KBTBD2: variants seen among roughly 807,000 people sequenced by gnomAD.
The protein encoded by KBTBD2 is kelch repeat and BTB domain containing 2.
Under a neutral mutation model 57.1 loss-of-function variants are expected in KBTBD2, and 17 were observed. The observed-to-expected ratio is 0.30, with a 90% CI of 0.20 to 0.45. The LOEUF (loss-of-function observed/expected upper bound fraction) is 0.45. Among genes scored for constraint, KBTBD2 ranks in the 20% least tolerant of loss-of-function variants. The pLI is 1.00. For missense variants in KBTBD2, 515 were observed against 750.6 expected, an observed-to-expected ratio of 0.69 and a Z score of 3.67; for synonymous variants, 267 against 262.7, an observed-to-expected ratio of 1.02 and a Z score of -0.16.
chr7:32,879,105 A>T (rs1784387990), intron 2 of KBTBD2, among the ~76,000 whole-genome samples: 1 of 152,192 alleles, frequency 6.6e-6, no homozygotes, highest in African/African-American at 2.4e-5. Flanking sequence ...AACAGAGATC[A>T]CTGTTTTCTA....
In KBTBD2 at chr7:32,868,608, G is replaced by T. The variant is rs868113989; in HGVS notation, c.*737C>A. ...ATGTTAACATAATACAGAAAGTGGAGGCTTTTTCTGATTAAAGCTCCACGC... is the reference window on the plus strand; with the variant it reads ...ATGTTAACATAATACAGAAAGTGGATGCTTTTTCTGATTAAAGCTCCACGC... On this transcript the variant is annotated 3_prime_UTR_variant, in exon 4 of 4. Transcript: ENST00000304056. 47 of 152,560 alleles carry T rather than the reference G, an allele frequency of 3.1e-4. No homozygotes were observed. The highest frequency in any genetic ancestry group is 1.1e-3 in the African/African-American group (47 of 41,430). The allele number at this position is 152,560 out of a possible 1,614,324, so 9.5% of individuals were successfully genotyped here. A position where few individuals can be genotyped will look rare whatever the true frequency, so the allele number is the denominator to read the frequency against.
At chr7:32,881,702 A>C (rs1263641197) in intron 1 of KBTBD2, among the ~76,000 whole-genome samples, 2 of 152,222 alleles carry the variant, frequency 1.3e-5, no homozygotes, top group Non-Finnish European at 2.9e-5. Context: ...GAGTTCTACT[A>C]CTATAATCTC....
At chr7:32,870,959 A>G in intron 3 of KBTBD2, 79 bp from the exon 4 acceptor site, 6 of 761,718 alleles carry the variant, frequency 7.9e-6, no homozygotes, top group Non-Finnish European at 1.0e-5. Flanking sequence ...ACGTAAGTAT[A>G]TTAATCAGAT....
In KBTBD2 at chr7:32,870,761, A is replaced by G. The variant is rs561454324; in HGVS notation, c.456T>C (p.Ala152=). ...TGAACTTGTGCTCCACCATTCTTTT[A>G]GCACTCTGTTTTAATTCCTCACAAC... is the stretch of plus-strand genomic sequence containing the variant. ...LFSCEELKQS[A]KRMVEHKFTA... Residue 152 remains alanine (A), a synonymous_variant, in exon 4 of 4, where the codon GCT becomes GCC. Coordinates refer to ENST00000304056, the MANE Select transcript of KBTBD2 (RefSeq NM_015483.3). 1.5e-4 allele frequency: 248 copies of G among 1,614,158 alleles called. 3 individuals are homozygous for G. The South Asian group carries it at 2.6e-3, about 17-fold the overall frequency.
intron 1 of KBTBD2, among the ~76,000 whole-genome samples, chr7:32,882,353 C>T (rs928031385): frequency 1.6e-4 from 25 of 152,130 alleles, no homozygotes; most frequent in Admixed American, 1.4e-3. Context: ...TGCAGGCTAG[C>T]GGTACAGGCT....
intron 1 of KBTBD2, among the ~76,000 whole-genome samples, chr7:32,882,307 C>G (rs1477875339): frequency 6.6e-6 from 1 of 152,184 alleles, no homozygotes; most frequent in Non-Finnish European, 1.5e-5. Context: ...AGGGCCAAGA[C>G]AGACTTAAAT....
At chr7:32,883,272 G>A (rs1410161193) in intron 1 of KBTBD2, among the ~76,000 whole-genome samples, 2 of 152,114 alleles carry the variant, frequency 1.3e-5, no homozygotes, top group African/African-American at 4.8e-5. Flanking sequence ...TAGCTACTCT[G>A]GAGGCTGAGG....
intron 1 of KBTBD2, among the ~76,000 whole-genome samples, chr7:32,887,213 G>A (rs1784601587): frequency 6.6e-6 from 1 of 152,138 alleles, no homozygotes; most frequent in South Asian, 2.1e-4. Context: ...AAGGAAGAAA[G>A]GATAAAAAGA....
rs753345191 is a variant in KBTBD2, at chr7:32,870,720, T to C, written c.497A>G (p.Gln166Arg). ...VEHKFTAVYH[Q>R]DAFMQLSHDL... is the part of the protein sequence containing the mutation. ...ATGTGACAGCTGCATGAACGCGTCC[T>C]GATGATACACAGCAGTGAACTTGTG... Residue 166 changes from glutamine to arginine, a missense_variant, in exon 4 of 4, where the codon CAG becomes CGG. Coordinates refer to ENST00000304056, the MANE Select transcript of KBTBD2 (RefSeq NM_015483.3). 1.2e-6 allele frequency: 2 copies of C among 1,614,234 alleles called. No individual in the cohort carries two copies. Among genetic ancestry groups the C allele is most frequent in the South Asian group, 2.2e-5 (2 of 91,088 alleles).
chr7:32,878,356 G>A (rs753622862), intron 2 of KBTBD2, among the ~76,000 whole-genome samples: 5 of 152,004 alleles, frequency 3.3e-5, no homozygotes, highest in African/African-American at 4.8e-5. Flanking sequence ...CAAGGCAGAC[G>A]GATCACAAGG....
chr7:32,890,224 C>A (rs1162329214), intron 1 of KBTBD2, among the ~76,000 whole-genome samples: 3 of 152,132 alleles, frequency 2.0e-5, no homozygotes, highest in Admixed American at 6.5e-5. Context: ...GGATTCCAGG[C>A]CCCAACCTAA....
chr7:32,891,827 C>G (rs1784758074), upstream of KBTBD2: 1 of 143,070 alleles, frequency 7.0e-6, no homozygotes, highest in African/African-American at 2.7e-5. Flanking sequence ...AGCCGCGCCG[C>G]CCGCCCGCCC....
intron 1 of KBTBD2, among the ~76,000 whole-genome samples, chr7:32,883,157 G>A (rs1426234873): frequency 6.6e-6 from 1 of 151,786 alleles, no homozygotes; most frequent in African/African-American, 2.4e-5. Flanking sequence ...GATCACTTGA[G>A]GCCTGAGGCC....
chr7:32,888,070 A>G (rs1434995972), intron 1 of KBTBD2, among the ~76,000 whole-genome samples: 1 of 152,190 alleles, frequency 6.6e-6, no homozygotes, highest in Non-Finnish European at 1.5e-5. Flanking sequence ...CAGCACTCCA[A>G]ATACAGTTCT....
In KBTBD2 at chr7:32,875,290, G is replaced by C. The variant is rs1583777468; in HGVS notation, c.171-133C>G. On this transcript the variant is annotated intron_variant, in intron 2 of 3. Transcript: ENST00000304056. ...TATAAGAGAAACTTTTTCTTTTTTT[G>C]AGACAGGGTCTTGCTCTGTCCCCCA... 4 of 770,980 alleles carry C rather than the reference G, an allele frequency of 5.2e-6. No homozygotes were observed. In the East Asian group the frequency reaches 1.1e-4, roughly 21 times the overall value. 47.8% of individuals were successfully genotyped at this position (770,980 alleles called of 1,614,324 possible).
intron 2 of KBTBD2, among the ~76,000 whole-genome samples, chr7:32,878,286 G>T (rs1010653257): frequency 6.6e-6 from 1 of 151,798 alleles, no homozygotes; most frequent in African/African-American, 2.4e-5. Flanking sequence ...TGCCATTAAA[G>T]AACAGCAGAA....
At position 32,882,452 on chromosome 7, in the gene KBTBD2, T is replaced by C. The variant is rs971709504; in HGVS notation, c.-338-2510A>G. ...CATTTACGACTGGGTTTTGCCAGAT[T>C]TGATTTTTTATCGTATCCATGAAAC... On this transcript the variant is annotated intron_variant, in intron 1 of 3. Coordinates refer to ENST00000304056, the MANE Select transcript of KBTBD2 (RefSeq NM_015483.3). Among the ~76,000 whole-genome samples, 23 of 152,204 alleles carry C rather than the reference T, an allele frequency of 1.5e-4. 1 individual carries two copies. Among genetic ancestry groups the C allele is most frequent in the Admixed American group, 1.3e-3 (20 of 15,280 alleles).
intron 1 of KBTBD2, among the ~76,000 whole-genome samples, chr7:32,890,298 T>C (rs2127959260): frequency 6.6e-6 from 1 of 152,304 alleles, no homozygotes; most frequent in East Asian, 1.9e-4. Flanking sequence ...TAACATTAGT[T>C]ATCAGCCAGA....
At chr7:32,888,438 A>C (rs374141022) in intron 1 of KBTBD2, among the ~76,000 whole-genome samples, 1 of 152,198 alleles carries the variant, frequency 6.6e-6, no homozygotes, top group African/African-American at 2.4e-5. Context: ...TCAAGTTATC[A>C]AAACAACCAC....
Sources: gnomAD v4.1 joint callset for allele counts (sites outside exome capture counted in the v4.1 genomes callset) on GRCh38, gnomAD v4.1.1 for gene constraint, MANE v1.5 for transcripts, NCBI Gene and HGNC (gene_info 2026-07-23, HGNC 2026-07-21) for gene names.